Variants in SAMD12 observed in about 807,000 individuals in gnomAD.
SAMD12 encodes sterile alpha motif domain-containing protein 12.
SAMD12 carries 9 observed loss-of-function variants against 15.0 expected under a neutral mutation model. The ratio of observed to expected loss-of-function variants is 0.60; its 90% CI spans 0.36 to 1.05. The LOEUF (loss-of-function observed/expected upper bound fraction) is 1.05. SAMD12 is among the 50% of genes least tolerant of loss of function. SAMD12 has a pLI of 0.01. For missense variants in SAMD12, 230 were observed against 234.2 expected, an observed-to-expected ratio of 0.98 and a Z score of 0.12; for synonymous variants, 86 against 90.1, an observed-to-expected ratio of 0.96 and a Z score of 0.25.
intron 3 of SAMD12, among the ~76,000 whole-genome samples, chr8:118,425,733 C>G (rs1002364827): frequency 6.6e-6 from 1 of 152,164 alleles, no homozygotes; most frequent in Non-Finnish European, 1.5e-5. Flanking sequence ...GAAAAAATAA[C>G]TGGATCTGGT....
At chr8:118,453,693 A>C (rs563939122) in intron 2 of SAMD12, among the ~76,000 whole-genome samples, 75 of 151,728 alleles carry the variant, frequency 4.9e-4, no homozygotes, top group African/African-American at 1.8e-3. Context: ...TAATGTTTTT[A>C]TTTTTTTGTA....
chr8:118,186,995 C>A (rs1185886490), downstream of SAMD12, among the ~76,000 whole-genome samples: 2 of 152,174 alleles, frequency 1.3e-5, no homozygotes, highest in Admixed American at 1.3e-4. Context: ...TCTTGCAATG[C>A]TTTCGTATGC....
chr8:118,589,534 T>A (rs190721826), intron 1 of SAMD12, among the ~76,000 whole-genome samples: 1 of 152,316 alleles, frequency 6.6e-6, no homozygotes, highest in East Asian at 1.9e-4. Context: ...AACTTAGGTA[T>A]TGCAGAATCA....
intron 2 of SAMD12, among the ~76,000 whole-genome samples, chr8:118,444,110 G>T (rs1226736177): frequency 2.0e-5 from 3 of 152,030 alleles, no homozygotes; most frequent in African/African-American, 7.3e-5. Flanking sequence ...CGCAGTAGGG[G>T]CCTAAGCCTA....
At chr8:118,283,622 C>T (rs927651256) in intron 4 of SAMD12, among the ~76,000 whole-genome samples, 2 of 152,164 alleles carry the variant, frequency 1.3e-5, no homozygotes, top group African/African-American at 4.8e-5. Flanking sequence ...AGAGTGAGAA[C>T]AAGCAAGTGC....
intron 4 of SAMD12, among the ~76,000 whole-genome samples, chr8:118,281,881 G>C (rs368650184): frequency 1.2e-4 from 18 of 152,178 alleles, no homozygotes; most frequent in African/African-American, 4.3e-4. Context: ...GTTCTTACCA[G>C]TGGGTCATTT....
intron 4 of SAMD12, among the ~76,000 whole-genome samples, chr8:118,354,412 C>T (rs1818121204): frequency 2.6e-5 from 4 of 152,104 alleles, no homozygotes; most frequent in Admixed American, 2.6e-4. Context: ...TATACCTTTT[C>T]CTTCCTCCCA....
rs78394074 is a variant in SAMD12, at chr8:118,432,287, C to T, written c.322+7545G>A. Among the ~76,000 whole-genome samples, 1,139 of 130,156 alleles carry T rather than the reference C, an allele frequency of 8.8e-3. 5 individuals carry two copies. The highest frequency in any genetic ancestry group is 0.015 in the Middle Eastern group (4 of 270). The allele number at this position is 130,156 out of a possible 152,430, so 85.4% of individuals were successfully genotyped here. On this transcript the variant is annotated intron_variant, in intron 3 of 3. Transcript: ENST00000314727. ...TCTCTTCAGTTTGTTATTTTCTTAC[C>T]TCTTGCATGCTTTGTAATTTTTTGT...
the SAMD12 span, among the ~76,000 whole-genome samples, chr8:118,179,593 C>A: frequency 6.6e-6 from 1 of 152,108 alleles, no homozygotes; most frequent in Non-Finnish European, 1.5e-5. Flanking sequence ...TTTTGGAAAA[C>A]TTCCTTTTCT....
intron 2 of SAMD12, among the ~76,000 whole-genome samples, chr8:118,477,059 G>A (rs961456076): frequency 1.6e-5 from 2 of 127,522 alleles, no homozygotes; most frequent in Non-Finnish European, 3.3e-5. Context: ...TGATTCTGAG[G>A]CTTTCTTTTT....
intron 1 of SAMD12, among the ~76,000 whole-genome samples, chr8:118,615,717 T>C (rs1033885653): frequency 6.6e-5 from 10 of 152,186 alleles, no homozygotes; most frequent in African/African-American, 2.4e-4. Flanking sequence ...CCAGCAAAGG[T>C]TTCCCAGTTT....
At chr8:118,329,384 T>G (rs763022622) in intron 4 of SAMD12, among the ~76,000 whole-genome samples, 4 of 152,174 alleles carry the variant, frequency 2.6e-5, no homozygotes, top group Non-Finnish European at 5.9e-5. Flanking sequence ...TTATTATAAA[T>G]GAAATTAAGT....
intron 1 of SAMD12, among the ~76,000 whole-genome samples, chr8:118,588,518 A>C (rs946398605): frequency 6.6e-6 from 1 of 152,236 alleles, no homozygotes; most frequent in Non-Finnish European, 1.5e-5. Flanking sequence ...CAATGTCCAT[A>C]AAGTGTTACT....
Position 118,262,803 on chromosome 8 carries a change from C to T in SAMD12, c.434-65071G>A, listed in dbSNP as rs1215165783. 3.3e-5 allele frequency among the ~76,000 whole-genome samples: 5 copies of T among 151,962 alleles called. No homozygotes were observed. The South Asian group carries it at 6.2e-4, about 19-fold the overall frequency. On this transcript the variant is annotated intron_variant, in intron 4 of 4. Transcript: ENST00000409003. ...CTTTAGGGCCATGGTAGGTAATAAT[C>T]GTTGGAAACATACTACCCAAGGTTT...
chr8:118,578,338 A>G (rs1258300202), intron 2 of SAMD12, among the ~76,000 whole-genome samples: 1 of 152,132 alleles, frequency 6.6e-6, no homozygotes, highest in Non-Finnish European at 1.5e-5. Context: ...TGCACATATG[A>G]ATGATTATTT....
intron 4 of SAMD12, among the ~76,000 whole-genome samples, chr8:118,276,936 G>A (rs1326397529): frequency 6.6e-6 from 1 of 152,162 alleles, no homozygotes; most frequent in South Asian, 2.1e-4. Context: ...GCCTCCCAAA[G>A]TGCTGAGATT....
At chr8:118,477,867 TAGTC>T (rs1174351987) in intron 2 of SAMD12, among the ~76,000 whole-genome samples, 1 of 151,596 alleles carries the variant, frequency 6.6e-6, no homozygotes, top group Non-Finnish European at 1.5e-5. Context: ...CAAAAAAAAT[TAGTC>T]AGGTGTGGCA....
intron 4 of SAMD12, among the ~76,000 whole-genome samples, chr8:118,247,215 T>C (rs1004388391): frequency 5.9e-5 from 9 of 151,964 alleles, no homozygotes; most frequent in African/African-American, 1.9e-4. Flanking sequence ...GTTGAACTCA[T>C]AGAAGCAGAG....
chr8:118,415,877 G>C (rs1429030561), intron 3 of SAMD12, among the ~76,000 whole-genome samples: 1 of 152,102 alleles, frequency 6.6e-6, no homozygotes, highest in African/African-American at 2.4e-5. Context: ...CTGAAGAGAG[G>C]GTTTCAACAG....
Sources: gnomAD v4.1 joint callset for allele counts (sites outside exome capture counted in the v4.1 genomes callset) on GRCh38, gnomAD v4.1.1 for gene constraint, MANE v1.5 for transcripts, NCBI Gene and HGNC (gene_info 2026-07-23, HGNC 2026-07-21) for gene names.